Variants in ANKS3 observed in about 807,000 individuals in gnomAD.
The protein encoded by ANKS3 is ankyrin repeat and SAM domain-containing protein 3.
A neutral mutation model predicts 80.7 loss-of-function variants in ANKS3; 62 were observed. That is an observed-to-expected ratio of 0.77 (90% CI 0.63 to 0.95). The LOEUF (loss-of-function observed/expected upper bound fraction) is 0.95, where lower values mean the gene tolerates loss of function less well. Among genes scored for constraint, ANKS3 ranks in the 40% least tolerant of loss-of-function variants. The pLI, the probability that ANKS3 is intolerant of heterozygous loss-of-function variation, is 0.00. For synonymous variants in ANKS3, 489 were observed against 355.3 expected, an observed-to-expected ratio of 1.38 and a Z score of -4.23; for missense variants, 1,150 against 883.6, an observed-to-expected ratio of 1.30 and a Z score of -3.82.
Position 4,724,792 on chromosome 16 carries a change from A to G in ANKS3, c.531T>C (p.Ala177=). 3.1e-6 allele frequency: 5 copies of G among 1,614,184 alleles called. No homozygotes were observed. Among genetic ancestry groups the G allele is most frequent in the Non-Finnish European group, 3.4e-6 (4 of 1,180,026 alleles). ...GCACGATTATCTCATGGCCAGCAGC[A>G]GCTGCTTCCATCAAGGGAGTAAATC... is the stretch of plus-strand genomic sequence containing the variant. ...ICGFTPLMEA[A]AAGHEIIVQY... Residue 177 remains alanine (A), a synonymous_variant, in exon 6 of 18, where the codon GCT becomes GCC. Transcript: ENST00000304283.
At chr16:4,733,392 A>G (rs1263592833) in intron 1 of ANKS3, among the ~76,000 whole-genome samples, 1 of 151,924 alleles carries the variant, frequency 6.6e-6, no homozygotes, top group Non-Finnish European at 1.5e-5. Flanking sequence ...CCTGGGTTCA[A>G]GCGATTCTCC....
In ANKS3 at chr16:4,698,329, C is replaced by A. The variant is rs1401890608; in HGVS notation, c.1724+98G>T. ...GTGGCTCCAGACCCTGAAATCCACC[C>A]CTCAGTTACAAAATCAGGAGGAAAG... On this transcript the variant is annotated intron_variant, in intron 14 of 17. Coordinates refer to ENST00000304283, the MANE Select transcript of ANKS3 (RefSeq NM_133450.4). The A allele has an allele frequency of 2.8e-6, 4 of 1,412,256 alleles. No homozygotes were observed. The African/African-American group carries it at 4.4e-5, about 15-fold the overall frequency. The allele number at this position is 1,412,256 out of a possible 1,614,324, so 87.5% of individuals were successfully genotyped here.
intron 7 of ANKS3, among the ~76,000 whole-genome samples, chr16:4,706,935 G>A (rs1430236074): frequency 6.6e-6 from 1 of 152,214 alleles, no homozygotes; most frequent in Non-Finnish European, 1.5e-5. Context: ...CAAAGAGGGA[G>A]AGCTCAGGCC....
chr16:4,699,555 C>T (rs1479589710), intron 11 of ANKS3: 3 of 242,508 alleles, frequency 1.2e-5, no homozygotes, highest in African/African-American at 2.2e-5. Flanking sequence ...CTTGTCTAAG[C>T]GCAGCTCTTC....
At chr16:4,703,515 G>A (rs1354752083) in intron 8 of ANKS3, among the ~76,000 whole-genome samples, 1 of 151,740 alleles carries the variant, frequency 6.6e-6, no homozygotes, top group Non-Finnish European at 1.5e-5. Context: ...CCGCCTCCCG[G>A]GTTCAACCGA....
chr16:4,717,069 C>T (rs2080842920), intron 6 of ANKS3, among the ~76,000 whole-genome samples: 1 of 150,248 alleles, frequency 6.7e-6, no homozygotes, highest in Non-Finnish European at 1.5e-5. Context: ...TGGTAAAACC[C>T]CATCTCTACT....
chr16:4,697,885 G>A, intron 15 of ANKS3, 92 bp downstream of exon 15: 15 of 1,218,112 alleles, frequency 1.2e-5, no homozygotes, highest in South Asian at 1.6e-5. Context: ...CTGCCGGCCG[G>A]AGAACCAGGC....
intron 6 of ANKS3, among the ~76,000 whole-genome samples, chr16:4,718,076 ATTTT>A (rs780141955): frequency 1.5e-5 from 2 of 133,730 alleles, no homozygotes; most frequent in Admixed American, 7.6e-5. Context: ...TGCCTGGCCA[ATTTT>A]TTTTTTTTTT....
At chr16:4,730,589 C>T (rs1013262994) in intron 2 of ANKS3, among the ~76,000 whole-genome samples, 18 of 152,010 alleles carry the variant, frequency 1.2e-4, no homozygotes, top group Non-Finnish European at 1.2e-4. Flanking sequence ...AGCTTGGACC[C>T]GGTGCGGTGG....
At chr16:4,708,778 CAA>C (rs34174802) in intron 7 of ANKS3, among the ~76,000 whole-genome samples, 1 of 149,612 alleles carries the variant, frequency 6.7e-6, no homozygotes, top group African/African-American at 2.5e-5. Flanking sequence ...ACTAAAAATA[CAA>C]AAAAAAAATT....
At position 4,705,171 on chromosome 16, in the gene ANKS3, G is replaced by A. The variant is rs1242389052; in HGVS notation, c.792C>T (p.Ser264=). 2 of 1,613,730 alleles carry A rather than the reference G, an allele frequency of 1.2e-6. No individual in the cohort carries two copies. Among genetic ancestry groups the A allele is most frequent in the Admixed American group, 3.3e-5 (2 of 60,006 alleles). ...RQRPCRKKGV[S]IHEGPRALAR... is the part of the protein sequence containing the mutation. ...CCAGGGCTCGCGGTCCCTCGTGGATGCTGACACCCTTCTTCCGGCAAGGCC... is the reference window on the plus strand; with the variant it reads ...CCAGGGCTCGCGGTCCCTCGTGGATACTGACACCCTTCTTCCGGCAAGGCC... The change falls in exon 8 of 18, where the codon AGC becomes AGT. Residue 264 remains serine (S), a synonymous_variant. Transcript: ENST00000304283.
intron 6 of ANKS3, among the ~76,000 whole-genome samples, chr16:4,724,412 G>A (rs1381288462): frequency 6.6e-6 from 1 of 152,116 alleles, no homozygotes; most frequent in African/African-American, 2.4e-5. Flanking sequence ...GCATCAGGGA[G>A]GTTGAAAAAG....
intron 6 of ANKS3, among the ~76,000 whole-genome samples, chr16:4,721,370 A>C (rs977020622): frequency 4.7e-5 from 7 of 150,092 alleles, no homozygotes; most frequent in African/African-American, 1.7e-4. Context: ...GCACTTTGGG[A>C]GACCGAGGCA....
At chr16:4,708,584 G>T (rs546308032) in intron 7 of ANKS3, among the ~76,000 whole-genome samples, 1 of 152,100 alleles carries the variant, frequency 6.6e-6, no homozygotes, top group African/African-American at 2.4e-5. Flanking sequence ...ATCAAAATCC[G>T]ATGGGTTTTT....
chr16:4,725,545 T>C (rs1283708692), intron 5 of ANKS3, among the ~76,000 whole-genome samples: 1 of 152,224 alleles, frequency 6.6e-6, no homozygotes, highest in African/African-American at 2.4e-5. Context: ...TTAGAATGAA[T>C]GACAGCCAGG....
At position 4,707,741 on chromosome 16, in the gene ANKS3, T is replaced by C. The variant is rs144453594; in HGVS notation, c.710-2488A>G. 2.9e-3 allele frequency among the ~76,000 whole-genome samples: 446 copies of C among 152,272 alleles called. 2 individuals carry two copies. Among genetic ancestry groups the C allele is most frequent in the Middle Eastern group, 0.01 (3 of 294 alleles). On this transcript the variant is annotated intron_variant, in intron 7 of 17. Coordinates refer to ENST00000304283, the MANE Select transcript of ANKS3 (RefSeq NM_133450.4). ...TAAGAGTACATAATCCTAAATAAGATAGACTCACAGATATGCTAAACTGTA... is the reference window on the plus strand; with the variant it reads ...TAAGAGTACATAATCCTAAATAAGACAGACTCACAGATATGCTAAACTGTA...
intron 6 of ANKS3, among the ~76,000 whole-genome samples, chr16:4,716,951 G>C (rs1249576016): frequency 1.3e-5 from 2 of 152,002 alleles, no homozygotes; most frequent in African/African-American, 2.4e-5. Flanking sequence ...TAATTTATAA[G>C]CTGGGCACGG....
intron 15 of ANKS3, among the ~76,000 whole-genome samples, 174 bp from the exon 16 acceptor site, chr16:4,697,590 C>T (rs2079638059): frequency 6.6e-6 from 1 of 152,058 alleles, no homozygotes; most frequent in Non-Finnish European, 1.5e-5. Flanking sequence ...TTGTGCCCTT[C>T]CTCCCACAGG....
chr16:4,699,191 G>T lies in ANKS3; in HGVS notation c.1285-15C>A. On this transcript the variant is annotated splice_polypyrimidine_tract_variant and intron_variant, in intron 11 of 17. Coordinates refer to ENST00000304283, the MANE Select transcript of ANKS3 (RefSeq NM_133450.4). ...GCGGCAAGGTCCTGGCAGGCACAGG[G>T]GACAGGTTGGGGGAGGTAGTGGCTG... The T allele has an allele frequency of 6.2e-7, 1 of 1,613,552 alleles. No individual in the cohort carries two copies. Among genetic ancestry groups the T allele is most frequent in the African/African-American group, 1.3e-5 (1 of 75,042 alleles).
Sources: gnomAD v4.1 joint callset for allele counts (sites outside exome capture counted in the v4.1 genomes callset) on GRCh38, gnomAD v4.1.1 for gene constraint, MANE v1.5 for transcripts, NCBI Gene and HGNC (gene_info 2026-07-23, HGNC 2026-07-21) for gene names.